The following PDE1C variants were observed in gnomAD, a reference collection of about 807,000 sequenced individuals.
PDE1C encodes the protein dual specificity calcium/calmodulin-dependent 3',5'-cyclic nucleotide phosphodiesterase 1C.
PDE1C carries 62 observed loss-of-function variants against 93.1 expected under a neutral mutation model. The observed-to-expected ratio is 0.67, with a 90% CI of 0.54 to 0.82. The LOEUF (loss-of-function observed/expected upper bound fraction) is 0.82, where lower values mean the gene tolerates loss of function less well. PDE1C is among the 40% of genes least tolerant of loss of function. The pLI, the probability that PDE1C is intolerant of heterozygous loss-of-function variation, is 0.00. For synonymous variants in PDE1C, 325 were observed against 310.1 expected (o/e 1.05, Z -0.50); for missense variants, 742 against 884.6 (o/e 0.84, Z 2.04).
chr7:31,835,668 C>T (rs1791002394), intron 11 of PDE1C, among the ~76,000 whole-genome samples: 1 of 151,952 alleles, frequency 6.6e-6, no homozygotes, highest in African/African-American at 2.4e-5. Flanking sequence ...TCCCCCCGCT[C>T]CCCCAACATA....
the PDE1C span, among the ~76,000 whole-genome samples, chr7:31,621,257 T>C: frequency 5.6e-4 from 83 of 149,286 alleles, no homozygotes; most frequent in Non-Finnish European, 1.1e-3. Context: ...ATGCAGAGAA[T>C]GCCACAAAGA....
At chr7:31,701,284 G>A in the PDE1C span, among the ~76,000 whole-genome samples, 29 of 152,186 alleles carry the variant, frequency 1.9e-4, no homozygotes, top group African/African-American at 7.0e-4. Context: ...GAGTTTGAGA[G>A]GTTCAAGACT....
intron 2 of PDE1C, among the ~76,000 whole-genome samples, chr7:31,927,134 A>G (rs1803499304): frequency 1.3e-5 from 2 of 151,404 alleles, no homozygotes; most frequent in South Asian, 4.2e-4. Flanking sequence ...GGGGAGGTGC[A>G]TCTGCCATTA....
At chr7:32,427,489 G>C (rs1037841087) in intron 1 of PDE1C, among the ~76,000 whole-genome samples, 1 of 152,142 alleles carries the variant, frequency 6.6e-6, no homozygotes, top group Admixed American at 6.5e-5. Context: ...CAATTCCCGT[G>C]GGAGGAGATG....
intron 2 of PDE1C, among the ~76,000 whole-genome samples, chr7:31,893,895 C>G (rs932829097): frequency 2.1e-4 from 32 of 152,094 alleles, no homozygotes; most frequent in African/African-American, 7.5e-4. Flanking sequence ...TCCACTGTAC[C>G]AGGACTTCCT....
At chr7:32,317,093 G>C (rs1428244677) in intron 1 of PDE1C, among the ~76,000 whole-genome samples, 1 of 152,190 alleles carries the variant, frequency 6.6e-6, no homozygotes, top group African/African-American at 2.4e-5. Flanking sequence ...AAATCACAAG[G>C]AAAGTAGAAC....
chr7:32,204,101 C>T lies in PDE1C; in HGVS notation c.136+5388G>A, dbSNP rs1805232308. Reference sequence around the variant, plus strand: ...AATAAGGGTGATTTGAACACAAGCACTGCAATCTGATAAACGAGAGGGCCC... The same window carrying T: ...AATAAGGGTGATTTGAACACAAGCATTGCAATCTGATAAACGAGAGGGCCC... On this transcript the variant is annotated intron_variant, in intron 2 of 18. Coordinates refer to the PDE1C transcript ENST00000396193. 2.6e-5 allele frequency among the ~76,000 whole-genome samples: 4 copies of T among 152,164 alleles called. No individual in the cohort carries two copies. In the South Asian group the frequency reaches 8.3e-4, roughly 32 times the overall value.
intron 2 of PDE1C, among the ~76,000 whole-genome samples, chr7:31,956,854 G>A (rs184413272): frequency 2.0e-5 from 3 of 152,172 alleles, no homozygotes; most frequent in South Asian, 4.1e-4. Context: ...AGAGAAACAG[G>A]AGGACCAATT....
At position 32,363,867 on chromosome 7, in the gene PDE1C, A is replaced by G. The variant is rs115039351; in HGVS notation, c.310+63955T>C. 2.1e-3 allele frequency among the ~76,000 whole-genome samples: 321 copies of G among 152,318 alleles called. 2 individuals are homozygous for G. The highest frequency in any genetic ancestry group is 7.4e-3 in the African/African-American group (306 of 41,574). On this transcript the variant is annotated intron_variant, in intron 1 of 1. Transcript: ENST00000672256. ...TGTAAATAACAGGCAACATTTAATGACCACTTACTATGCCCCAGGATTTGT... is the reference window on the plus strand; with the variant it reads ...TGTAAATAACAGGCAACATTTAATGGCCACTTACTATGCCCCAGGATTTGT...
intron 1 of PDE1C, among the ~76,000 whole-genome samples, chr7:32,357,506 C>T (rs1257067687): frequency 6.6e-6 from 1 of 152,176 alleles, no homozygotes; most frequent in African/African-American, 2.4e-5. Context: ...ACCATTTTAA[C>T]AGGAAACTCA....
chr7:31,657,495 T>G, the PDE1C span, among the ~76,000 whole-genome samples: 1 of 152,158 alleles, frequency 6.6e-6, no homozygotes, highest in Non-Finnish European at 1.5e-5. Context: ...CGGTTCTGAG[T>G]CGCTTTCATA....
the PDE1C span, chr7:31,697,263 T>C: frequency 1.0e-6 from 1 of 1,003,282 alleles, no homozygotes; most frequent in Non-Finnish European, 1.4e-6. Flanking sequence ...CCACACTCAG[T>C]GCTACCTTTT....
chr7:32,345,118 C>T (rs1175375809), intron 1 of PDE1C, among the ~76,000 whole-genome samples: 1 of 152,124 alleles, frequency 6.6e-6, no homozygotes, highest in East Asian at 1.9e-4. Context: ...GGAAAAATTC[C>T]TCACACAGGG....
At chr7:31,720,946 C>T in the PDE1C span, among the ~76,000 whole-genome samples, 2 of 151,898 alleles carry the variant, frequency 1.3e-5, no homozygotes, top group Non-Finnish European at 2.9e-5. Flanking sequence ...GATATAATTT[C>T]AGAGAAAAAA....
intron 1 of PDE1C, among the ~76,000 whole-genome samples, chr7:32,243,861 C>T (rs569032045): frequency 2.6e-5 from 4 of 152,238 alleles, no homozygotes; most frequent in East Asian, 3.9e-4. Context: ...GTTCCTGATA[C>T]GAAGGACACT....
intron 9 of PDE1C, among the ~76,000 whole-genome samples, chr7:31,847,583 A>G (rs1473272484): frequency 6.6e-6 from 1 of 152,142 alleles, no homozygotes; most frequent in Admixed American, 6.6e-5. Context: ...AAGTGTCCTC[A>G]GTTGAACACT....
chr7:32,268,082 G>A (rs769355675), intron 1 of PDE1C, among the ~76,000 whole-genome samples: 2 of 152,188 alleles, frequency 1.3e-5, no homozygotes, highest in East Asian at 1.9e-4. Context: ...CCAGCCATGC[G>A]GGTCACACCA....
intron 2 of PDE1C, among the ~76,000 whole-genome samples, chr7:32,002,735 T>C (rs1785643022): frequency 6.6e-6 from 1 of 152,164 alleles, no homozygotes. Context: ...CTATTTATAA[T>C]ATATATTAAA....
intron 1 of PDE1C, among the ~76,000 whole-genome samples, chr7:32,323,983 C>T (rs1211009213): frequency 6.6e-6 from 1 of 152,166 alleles, no homozygotes; most frequent in African/African-American, 2.4e-5. Context: ...GAGCATAGAG[C>T]GGGAGTCAAC....
Sources: gnomAD v4.1 joint callset for allele counts (sites outside exome capture counted in the v4.1 genomes callset) on GRCh38, gnomAD v4.1.1 for gene constraint, MANE v1.5 for transcripts, NCBI Gene and HGNC (gene_info 2026-07-23, HGNC 2026-07-21) for gene names.